PIBF1: variants seen among roughly 807,000 people sequenced by gnomAD.
PIBF1 encodes progesterone-induced-blocking factor 1.
A neutral mutation model predicts 112.5 loss-of-function variants in PIBF1; 90 were observed. The observed-to-expected ratio is 0.80, with a 90% confidence interval of 0.67 to 0.95. The LOEUF is 0.95. PIBF1 is among the 40% of genes least tolerant of loss of function. The pLI, the probability that PIBF1 is intolerant of heterozygous loss-of-function variation, is 0.00. For missense variants in PIBF1, 915 were observed against 852.3 expected (o/e 1.07, Z -0.92); for synonymous variants, 301 against 288.6 (o/e 1.04, Z -0.44).
chr13:72,945,858 G>T (rs1291688780), intron 14 of PIBF1, among the ~76,000 whole-genome samples: 1 of 151,994 alleles, frequency 6.6e-6, no homozygotes, highest in Non-Finnish European at 1.5e-5. Context: ...ATGATTATAC[G>T]AATATATATG....
intron 10 of PIBF1, among the ~76,000 whole-genome samples, chr13:72,885,375 A>G (rs990812273): frequency 6.6e-6 from 1 of 152,080 alleles, no homozygotes; most frequent in African/African-American, 2.4e-5. Context: ...CCCTCATCAA[A>G]TTAGTATTTA....
intron 17 of PIBF1, among the ~76,000 whole-genome samples, chr13:73,008,640 C>CA (rs1431064924): frequency 1.3e-5 from 2 of 151,884 alleles, no homozygotes; most frequent in African/African-American, 2.4e-5. Flanking sequence ...AACCGACAAA[C>CA]AAAAAAATAA....
intron 13 of PIBF1, among the ~76,000 whole-genome samples, chr13:72,924,275 C>G (rs1436246655): frequency 6.6e-6 from 1 of 152,116 alleles, no homozygotes; most frequent in African/African-American, 2.4e-5. Flanking sequence ...TAGTTCAATG[C>G]TTAATACTGA....
At chr13:72,983,201 G>A (rs915659772) in intron 16 of PIBF1, among the ~76,000 whole-genome samples, 8 of 152,078 alleles carry the variant, frequency 5.3e-5, no homozygotes, top group African/African-American at 1.9e-4. Flanking sequence ...TCGGTTGGCT[G>A]TTGTGGGAGG....
chr13:72,940,785 G>A (rs901826247), intron 14 of PIBF1, among the ~76,000 whole-genome samples: 1 of 152,128 alleles, frequency 6.6e-6, no homozygotes, highest in African/African-American at 2.4e-5. Flanking sequence ...CCTGTAAATT[G>A]TAAGGTTTTC....
At chr13:72,904,585 C>T (rs924717857) in intron 11 of PIBF1, among the ~76,000 whole-genome samples, 4 of 150,824 alleles carry the variant, frequency 2.7e-5, no homozygotes, top group East Asian at 1.9e-4. Flanking sequence ...AGACTACAGG[C>T]GCACGCTACC....
At chr13:72,968,859 G>C (rs2042818508) in intron 15 of PIBF1, among the ~76,000 whole-genome samples, 2 of 151,810 alleles carry the variant, frequency 1.3e-5, no homozygotes, top group South Asian at 4.2e-4. Flanking sequence ...GCAAAACCAT[G>C]TTTGGTTTTG....
At chr13:72,835,153 T>C (rs2037298951) in intron 8 of PIBF1, 90 bp from the exon 9 acceptor site, 2 of 849,194 alleles carry the variant, frequency 2.4e-6, no homozygotes, top group South Asian at 6.6e-5. Context: ...TAGAGCATAC[T>C]TGATAAAAGG....
intron 5 of PIBF1, among the ~76,000 whole-genome samples, chr13:72,809,300 G>C (rs2035890754): frequency 6.6e-6 from 1 of 151,300 alleles, no homozygotes; most frequent in Non-Finnish European, 1.5e-5. Context: ...TCTTTTTCTA[G>C]TAAAATTTAA....
At chr13:72,976,211 T>C (rs1366915014) in intron 16 of PIBF1, among the ~76,000 whole-genome samples, 1 of 152,104 alleles carries the variant, frequency 6.6e-6, no homozygotes, top group Non-Finnish European at 1.5e-5. Flanking sequence ...TATAGTGCAC[T>C]CTGATCTCAC....
At chr13:73,004,500 A>AAAG (rs1555332431) in intron 17 of PIBF1, among the ~76,000 whole-genome samples, 26 of 23,532 alleles carry the variant, frequency 1.1e-3, no homozygotes, top group Middle Eastern at 0.042. Flanking sequence ...AAAAAAAAAA[A>AAAG]AAAAGAAAGA....
chr13:72,793,732 C>T (rs2138414740), intron 3 of PIBF1, among the ~76,000 whole-genome samples: 1 of 151,978 alleles, frequency 6.6e-6, no homozygotes, highest in Non-Finnish European at 1.5e-5. Context: ...CAATGTGGGG[C>T]TTAAGAGAAA....
At chr13:72,824,366 G>A (rs1023588088) in intron 6 of PIBF1, among the ~76,000 whole-genome samples, 2 of 152,096 alleles carry the variant, frequency 1.3e-5, no homozygotes, top group African/African-American at 4.8e-5. Flanking sequence ...CCACTTGGAT[G>A]AGGTGCCAAC....
chr13:72,850,661 G>A (rs1176452406), intron 9 of PIBF1, among the ~76,000 whole-genome samples: 1 of 152,200 alleles, frequency 6.6e-6, no homozygotes, highest in Admixed American at 6.5e-5. Flanking sequence ...TAATGAAGCT[G>A]TATTTGAGAA....
intron 16 of PIBF1, among the ~76,000 whole-genome samples, chr13:72,978,184 T>C (rs894694024): frequency 1.6e-4 from 25 of 152,298 alleles, no homozygotes; most frequent in African/African-American, 5.3e-4. Context: ...TAAAGAACAG[T>C]TTAATGTCAT....
intron 14 of PIBF1, among the ~76,000 whole-genome samples, chr13:72,950,479 G>T (rs1170593516): frequency 1.3e-5 from 2 of 152,134 alleles, no homozygotes; most frequent in Non-Finnish European, 2.9e-5. Flanking sequence ...TCCCACTGCA[G>T]AAACCGTGTT....
At chr13:72,978,969 A>T (rs1036818145) in intron 16 of PIBF1, among the ~76,000 whole-genome samples, 1 of 152,138 alleles carries the variant, frequency 6.6e-6, no homozygotes, top group Non-Finnish European at 1.5e-5. Flanking sequence ...CCAAGGTGGG[A>T]GGAACGCTTG....
At chr13:72,877,126 A>G (rs763197763) in intron 10 of PIBF1, among the ~76,000 whole-genome samples, 9 of 152,154 alleles carry the variant, frequency 5.9e-5, no homozygotes, top group Non-Finnish European at 1.2e-4. Context: ...CTCTACATCT[A>G]TTGACAGGAT....
At chr13:72,886,489 A>G (rs1161677213) in intron 10 of PIBF1, among the ~76,000 whole-genome samples, 2 of 151,042 alleles carry the variant, frequency 1.3e-5, no homozygotes, top group Non-Finnish European at 3.0e-5. Flanking sequence ...CTCTAATTTT[A>G]TCTCATACAT....
Sources: gnomAD v4.1 joint callset for allele counts (sites outside exome capture counted in the v4.1 genomes callset) on GRCh38, gnomAD v4.1.1 for gene constraint, MANE v1.5 for transcripts, NCBI Gene and HGNC (gene_info 2026-07-23, HGNC 2026-07-21) for gene names.